Variants in NME8 observed in about 807,000 individuals in gnomAD.
NME8 encodes NME/NM23 family member 8.
In NME8, 72 loss-of-function variants were observed where a neutral mutation model predicts 82.3. That is an observed-to-expected ratio of 0.87 (90% CI 0.72 to 1.06). The LOEUF (loss-of-function observed/expected upper bound fraction) is 1.06. NME8 is among the 50% of genes least tolerant of loss of function. NME8 has a pLI of 0.00. For missense variants in NME8, 712 were observed against 685.4 expected (o/e 1.04, Z -0.43); for synonymous variants, 267 against 228.5 (o/e 1.17, Z -1.52).
Position 37,882,565 on chromosome 7 carries a change from AAG to A in NME8, c.995-1736_995-1735del, listed in dbSNP as rs1222318245. 4.0e-4 allele frequency among the ~76,000 whole-genome samples: 12 copies of A among 29,986 alleles called. No homozygotes were observed. The East Asian group carries it at 0.02, about 50-fold the overall frequency. The allele number at this position is 29,986 out of a possible 152,430, so 19.7% of individuals were successfully genotyped here. On this transcript the variant is annotated intron_variant, in intron 12 of 17. Transcript: ENST00000199447. ...AGGAAGGGAAAGAAAGAAAGAAAGA[AAG>A]AAAGAAAGAAAGAAAGAAAGAAAGA...
At chr7:37,860,307 T>C (rs901186743) in intron 6 of NME8, among the ~76,000 whole-genome samples, 3 of 152,216 alleles carry the variant, frequency 2.0e-5, no homozygotes, top group Admixed American at 1.3e-4. Context: ...ACTTCTTTTC[T>C]TTTCATCCCA....
At chr7:37,898,682 A>C (rs1425865138) in intron 17 of NME8, among the ~76,000 whole-genome samples, 2 of 152,200 alleles carry the variant, frequency 1.3e-5, no homozygotes, top group African/African-American at 4.8e-5. Context: ...TAGAGAGAAA[A>C]AGTAAATTAT....
At chr7:37,861,903 C>T (rs1178469049) in intron 6 of NME8, 125 bp from the exon 7 acceptor site, 1 of 776,246 alleles carries the variant, frequency 1.3e-6, no homozygotes, top group African/African-American at 1.7e-5. Flanking sequence ...ATTACCATAG[C>T]TAAAAGAGGA....
chr7:37,862,133 G>A lies in NME8; in HGVS notation c.376G>A (p.Ala126Thr). 1.2e-6 allele frequency: 2 copies of A among 1,605,584 alleles called. No individual in the cohort carries two copies. Among genetic ancestry groups the A allele is most frequent in the Non-Finnish European group, 1.7e-6 (2 of 1,172,388 alleles). The change falls in exon 7 of 18, where the codon GCT becomes ACT. Residue 126 changes from alanine to threonine, a missense_variant. Physicochemically the swap from Ala to Thr is moderately conservative, Grantham distance 58. Transcript: ENST00000199447. ...EERKIAAGEM[A>T]RPQYPEIPLV... is the part of the protein sequence containing the mutation. ...GAGAAAAATTGCAGCAGGTGAAATG[G>A]CTCGACCTCAGGTAATACTTTGGAT...
rs1350579214 is a variant in NME8, at chr7:37,882,563, GAAAGA to G, written c.995-1737_995-1733del. On this transcript the variant is annotated intron_variant, in intron 12 of 17. Coordinates refer to ENST00000199447, the MANE Select transcript of NME8 (RefSeq NM_016616.5). ...GGAGGAAGGGAAAGAAAGAAAGAAA[GAAAGA>G]AAGAAAGAAAGAAAGAAAGAAAGAA... Among the ~76,000 whole-genome samples the G allele has an allele frequency of 2.8e-3, 74 of 26,500 alleles. 1 individual carries two copies. The highest frequency in any genetic ancestry group is 1.1e-3 in the Non-Finnish European group (13 of 11,794). The allele number at this position is 26,500 out of a possible 152,430, so 17.4% of individuals were successfully genotyped here. A position where few individuals can be genotyped will look rare whatever the true frequency, so the allele number is the denominator to read the frequency against.
chr7:37,896,803 T>C (rs1785235327), intron 16 of NME8, 67 bp from the exon 17 acceptor site: 1 of 1,347,588 alleles, frequency 7.4e-7, no homozygotes, highest in African/African-American at 1.4e-5. Context: ...TGTTCTGTCT[T>C]TAGCCTTGTT....
At chr7:37,858,582 A>G (rs1302169635) in intron 6 of NME8, among the ~76,000 whole-genome samples, 5 of 152,108 alleles carry the variant, frequency 3.3e-5, no homozygotes, top group Non-Finnish European at 5.9e-5. Context: ...ACTAGATGTC[A>G]TTACACTCAT....
In NME8 at chr7:37,884,451, G is replaced by T. The variant is rs1785010909; in HGVS notation, c.1139+4G>T. On this transcript the variant is annotated splice_donor_region_variant and intron_variant, in intron 13 of 17. Coordinates refer to ENST00000199447, the MANE Select transcript of NME8 (RefSeq NM_016616.5). ...AACTTATAGAAAACATGACCAGGTA[G>T]AATCCAGGTTGAGAAAATTCAGTCT... 6.2e-7 allele frequency: 1 copy of T among 1,608,276 alleles called. No individual in the cohort carries two copies. Among genetic ancestry groups the T allele is most frequent in the African/African-American group, 1.3e-5 (1 of 74,808 alleles).
At chr7:37,889,823 C>A (rs1436239842) in intron 15 of NME8, among the ~76,000 whole-genome samples, 16 of 151,806 alleles carry the variant, frequency 1.1e-4, no homozygotes, top group Admixed American at 1.1e-3. Context: ...ATAAAACCAG[C>A]CTTACAGTTT....
At chr7:37,854,056 C>G (rs924454608) in intron 5 of NME8, among the ~76,000 whole-genome samples, 3 of 147,370 alleles carry the variant, frequency 2.0e-5, no homozygotes, top group Non-Finnish European at 1.5e-5. Context: ...GCTAACCCCC[C>G]ACGTAGTAAA....
chr7:37,858,876 G>A (rs1172398959), intron 6 of NME8, among the ~76,000 whole-genome samples: 1 of 152,118 alleles, frequency 6.6e-6, no homozygotes, highest in Non-Finnish European at 1.5e-5. Context: ...TAAATGGCTT[G>A]GTGCCCTCCC....
In NME8 at chr7:37,867,726, T is replaced by C; in HGVS notation, c.646T>C (p.Phe216Leu). Residue 216 changes from phenylalanine (F) to leucine (L), a missense_variant, in exon 11 of 18, where the codon TTT (phenylalanine) becomes CTT (leucine). By Grantham distance (22) the Phe-to-Leu change is conservative. Transcript: ENST00000199447. ...GTGTGACTTCGAAGAGTTTGTCTCT[T>C]TTATGACAAGTGGCTTAAGCTATAT... ...DQCDFEEFVS[F>L]MTSGLSYILV... The C allele has an allele frequency of 6.2e-7, 1 of 1,613,440 alleles. No homozygotes were observed. Among genetic ancestry groups the C allele is most frequent in the Non-Finnish European group, 8.5e-7 (1 of 1,179,466 alleles).
chr7:37,854,513 T>G (rs1784483508), intron 5 of NME8, among the ~76,000 whole-genome samples: 1 of 152,174 alleles, frequency 6.6e-6, no homozygotes, highest in Admixed American at 6.5e-5. Context: ...TAAAAATGTT[T>G]CTATGTGGTA....
At chr7:37,870,458 G>A (rs539520417) in intron 11 of NME8, among the ~76,000 whole-genome samples, 1 of 151,798 alleles carries the variant, frequency 6.6e-6, no homozygotes, top group East Asian at 1.9e-4. Context: ...GTGTGGTGGT[G>A]CATGCCTGTA....
intron 12 of NME8, among the ~76,000 whole-genome samples, chr7:37,879,978 C>CTAA (rs1784917985): frequency 6.6e-6 from 1 of 152,152 alleles, no homozygotes; most frequent in Non-Finnish European, 1.5e-5. Context: ...CATATGCTTA[C>CTAA]TAATCATCTC....
At chr7:37,869,682 G>A (rs962834193) in intron 11 of NME8, among the ~76,000 whole-genome samples, 1 of 152,168 alleles carries the variant, frequency 6.6e-6, no homozygotes, top group Non-Finnish European at 1.5e-5. Flanking sequence ...CTCTGGCACA[G>A]TCTACAGTAT....
chr7:37,888,486 TA>T (rs1459295930), intron 15 of NME8, 58 bp downstream of exon 15: 6 of 1,522,232 alleles, frequency 3.9e-6, no homozygotes, highest in Non-Finnish European at 5.4e-6. Context: ...TGTGAACATT[TA>T]AAAAATTTAC....
At chr7:37,882,006 A>G (rs1784953619) in intron 12 of NME8, among the ~76,000 whole-genome samples, 1 of 152,190 alleles carries the variant, frequency 6.6e-6, no homozygotes. Flanking sequence ...CTTTGTAGAT[A>G]ATTCAGTTTT....
chr7:37,861,548 A>T (rs964234233), intron 6 of NME8, among the ~76,000 whole-genome samples: 3 of 152,012 alleles, frequency 2.0e-5, no homozygotes, highest in Non-Finnish European at 2.9e-5. Flanking sequence ...AGGGCTTTTT[A>T]AAAAAAACCT....
Sources: allele counts gnomAD v4.1 joint callset (sites outside exome capture counted in the v4.1 genomes callset), GRCh38; gene constraint gnomAD v4.1.1; transcripts MANE v1.5; gene names NCBI Gene and HGNC (gene_info 2026-07-23, HGNC 2026-07-21).